Variants in MKKS observed in about 807,000 individuals in gnomAD.
The protein encoded by MKKS is MKKS centrosomal shuttling protein.
In MKKS, 29 loss-of-function variants were observed where a neutral mutation model predicts 33.2. The observed-to-expected ratio is 0.87, with a 90% CI of 0.65 to 1.19. The LOEUF is 1.19. Among genes scored for constraint, MKKS ranks in the 50% most tolerant of loss-of-function variants. The probability of loss-of-function intolerance (pLI) is 0.00; values close to 1 mark genes in which losing one functional copy is unlikely to be tolerated. For missense variants in MKKS, 661 were observed against 662.3 expected, an observed-to-expected ratio of 1.00 and a Z score of 0.02; for synonymous variants, 260 against 244.0, an observed-to-expected ratio of 1.07 and a Z score of -0.61.
chr20:10,418,613 A>C (rs1254588116), intron 2 of MKKS, among the ~76,000 whole-genome samples: 1 of 152,092 alleles, frequency 6.6e-6, no homozygotes, highest in Non-Finnish European at 1.5e-5. Flanking sequence ...CTGGCATCTA[A>C]AATCTCTTAC....
intron 1 of MKKS, among the ~76,000 whole-genome samples, chr20:10,425,226 C>T (rs1399840643): frequency 6.6e-6 from 1 of 152,064 alleles, no homozygotes; most frequent in African/African-American, 2.4e-5. Context: ...TTTGTAATCC[C>T]TCTTGCAAAG....
At chr20:10,417,775 T>C (rs1306211269) in intron 2 of MKKS, among the ~76,000 whole-genome samples, 1 of 152,178 alleles carries the variant, frequency 6.6e-6, no homozygotes, top group Admixed American at 6.5e-5. Flanking sequence ...TGAAGTATTC[T>C]TGTTCAAAAA....
intron 1 of MKKS, among the ~76,000 whole-genome samples, chr20:10,426,452 G>A (rs1180548953): frequency 1.3e-5 from 2 of 152,212 alleles, no homozygotes; most frequent in Non-Finnish European, 2.9e-5. Flanking sequence ...GTTGCCCAAG[G>A]GGGAGCGTAG....
intron 3 of MKKS, among the ~76,000 whole-genome samples, chr20:10,410,440 G>A (rs1053273354): frequency 2.6e-5 from 4 of 152,020 alleles, no homozygotes; most frequent in Non-Finnish European, 4.4e-5. Flanking sequence ...GGACCAGCCT[G>A]ACCAATATGG....
intron 1 of MKKS, among the ~76,000 whole-genome samples, chr20:10,432,817 C>A (rs2065063784): frequency 4.2e-5 from 4 of 94,900 alleles, no homozygotes; most frequent in Admixed American, 2.1e-4. Flanking sequence ...AAAAAAAAAT[C>A]GTGTAGTTTT....
chr20:10,416,171 T>C (rs916044038), intron 2 of MKKS, among the ~76,000 whole-genome samples: 6 of 150,884 alleles, frequency 4.0e-5, no homozygotes, highest in Non-Finnish European at 8.9e-5. Context: ...GTTGTTGCAG[T>C]GATGGATAAC....
At position 10,405,744 on chromosome 20, in the gene MKKS, C is replaced by A. The variant is rs1446114807; in HGVS notation, c.1273-57G>T. ...ACAAAGCAATTAATATAAAATGTTTCAGAAAAATAAGATACTGAAATCAAA... is the reference window on the plus strand; with the variant it reads ...ACAAAGCAATTAATATAAAATGTTTAAGAAAAATAAGATACTGAAATCAAA... On this transcript the variant is annotated intron_variant, in intron 5 of 5. Transcript: ENST00000347364. 4.9e-6 allele frequency: 7 copies of A among 1,420,010 alleles called. No individual in the cohort carries two copies. In the East Asian group the frequency reaches 9.3e-5, roughly 19 times the overall value. 88.0% of individuals were successfully genotyped at this position (1,420,010 alleles called of 1,614,324 possible).
At chr20:10,433,804 A>G (rs1220693602) in intron 1 of MKKS, among the ~76,000 whole-genome samples, 1 of 152,118 alleles carries the variant, frequency 6.6e-6, no homozygotes, top group African/African-American at 2.4e-5. Context: ...TTCGGCGTAG[A>G]AGGCGGCAGC....
chr20:10,423,122 G>GA (rs1023143285), intron 1 of MKKS, among the ~76,000 whole-genome samples: 1 of 150,854 alleles, frequency 6.6e-6, no homozygotes, highest in African/African-American at 2.4e-5. Context: ...TAAACTCAAG[G>GA]AAAAAAAACC....
Position 10,412,908 on chromosome 20 carries a change from G to T in MKKS, c.607C>A (p.Pro203Thr). ...HIILGKSLIVPLKGQRVIDST... is the reference protein window; with the variant it reads ...HIILGKSLIVTLKGQRVIDST... ...TCTATAACTCTTTGACCTTTTAAAG[G>T]TACAATTAAACTCTTTCCTAAAATG... The change falls in exon 3 of 6, where the codon CCT becomes ACT. Residue 203 changes from proline (P) to threonine (T), a missense_variant. Physicochemically the swap from Pro to Thr is conservative, Grantham distance 38. Transcript: ENST00000347364. The T allele has an allele frequency of 6.2e-7, 1 of 1,613,654 alleles. No individual in the cohort carries two copies. The highest frequency in any genetic ancestry group is 1.1e-5 in the South Asian group (1 of 91,060).
chr20:10,430,015 T>C (rs147121126), intron 1 of MKKS, among the ~76,000 whole-genome samples: 34 of 149,242 alleles, frequency 2.3e-4, no homozygotes, highest in Non-Finnish European at 4.0e-4. Flanking sequence ...ACTTTTAATA[T>C]AGCCATCTTG....
At chr20:10,410,751 G>A (rs546154901) in intron 3 of MKKS, among the ~76,000 whole-genome samples, 3 of 151,970 alleles carry the variant, frequency 2.0e-5, no homozygotes, top group South Asian at 4.2e-4. Flanking sequence ...CTGAAATGAG[G>A]TAATGTTAAC....
chr20:10,423,288 G>A (rs753189651), intron 1 of MKKS, among the ~76,000 whole-genome samples: 1 of 152,086 alleles, frequency 6.6e-6, no homozygotes, highest in Non-Finnish European at 1.5e-5. Context: ...GCATGGTGGC[G>A]CACGCCTGTA....
intron 1 of MKKS, among the ~76,000 whole-genome samples, chr20:10,424,531 G>A (rs761533779): frequency 2.0e-5 from 3 of 151,922 alleles, no homozygotes; most frequent in South Asian, 2.1e-4. Context: ...CTCAGGGCAA[G>A]ACACATTAGA....
At chr20:10,417,829 C>A (rs117881399) in intron 2 of MKKS, among the ~76,000 whole-genome samples, 204 of 151,600 alleles carry the variant, frequency 1.3e-3, no homozygotes, top group African/African-American at 4.6e-3. Flanking sequence ...GATATAATTA[C>A]GAGATTACAG....
intron 2 of MKKS, among the ~76,000 whole-genome samples, chr20:10,416,279 T>C (rs2064938255): frequency 6.6e-6 from 1 of 152,142 alleles, no homozygotes; most frequent in Non-Finnish European, 1.5e-5. Context: ...TGAAAGTTTT[T>C]CCTAAAAGCA....
chr20:10,408,565 A>G, intron 4 of MKKS, 63 bp downstream of exon 4: 1 of 1,552,162 alleles, frequency 6.4e-7, no homozygotes, highest in African/African-American at 1.4e-5. Context: ...AAATCATAAT[A>G]ACTATTGAGT....
Position 10,415,996 on chromosome 20 carries a change from A to C in MKKS, c.-417-2065T>G, listed in dbSNP as rs556076537. ...CAAGAAAGAGAAAAGAGAAAAAAAAACCAAACCACTGGGGCTGGTTTATAG... is the reference window on the plus strand; with the variant it reads ...CAAGAAAGAGAAAAGAGAAAAAAAACCCAAACCACTGGGGCTGGTTTATAG... On this transcript the variant is annotated intron_variant, in intron 2 of 5. Coordinates refer to ENST00000347364, the MANE Select transcript of MKKS (RefSeq NM_170784.3). 1.1e-4 allele frequency among the ~76,000 whole-genome samples: 17 copies of C among 152,314 alleles called. No individual in the cohort carries two copies. The East Asian group carries it at 3.1e-3, about 28-fold the overall frequency.
At chr20:10,410,530 C>G (rs2122229639) in intron 3 of MKKS, among the ~76,000 whole-genome samples, 1 of 152,144 alleles carries the variant, frequency 6.6e-6, no homozygotes, top group Middle Eastern at 3.4e-3. Context: ...ACTAGGGAGG[C>G]TGAGACAGAA....
Sources: gnomAD v4.1 joint callset for allele counts (sites outside exome capture counted in the v4.1 genomes callset) on GRCh38, gnomAD v4.1.1 for gene constraint, MANE v1.5 for transcripts, NCBI Gene and HGNC (gene_info 2026-07-23, HGNC 2026-07-21) for gene names.